TPD52: variants seen among roughly 807,000 people sequenced by gnomAD.
TPD52 encodes the protein tumor protein D52, also known as prostate and colon associated protein.
In TPD52, 17 loss-of-function variants were observed where a neutral mutation model predicts 31.3. The observed-to-expected ratio is 0.54, with a 90% CI of 0.37 to 0.82. TPD52 has a LOEUF of 0.82. Ranked by LOEUF, TPD52 falls within the 40% of genes least tolerant of loss-of-function variation. The probability of loss-of-function intolerance (pLI) is 0.00; values close to 1 mark genes in which losing one functional copy is unlikely to be tolerated. For missense variants in TPD52, 212 were observed against 240.1 expected, an observed-to-expected ratio of 0.88 and a Z score of 0.77; for synonymous variants, 83 against 89.6, an observed-to-expected ratio of 0.93 and a Z score of 0.42.
chr8:80,044,473 C>T (rs186320038), intron 5 of TPD52, among the ~76,000 whole-genome samples: 4 of 152,124 alleles, frequency 2.6e-5, no homozygotes, highest in African/African-American at 7.2e-5. Flanking sequence ...TGCTTTCACC[C>T]GGAGCTGTAA....
intron 1 of TPD52, among the ~76,000 whole-genome samples, chr8:80,137,713 C>G (rs757016049): frequency 1.3e-5 from 2 of 152,194 alleles, no homozygotes; most frequent in Non-Finnish European, 2.9e-5. Context: ...AGGACTCTTA[C>G]AGCAGTACCA....
At chr8:80,148,295 A>G (rs1016779853) in intron 1 of TPD52, among the ~76,000 whole-genome samples, 9 of 143,564 alleles carry the variant, frequency 6.3e-5, no homozygotes, top group Non-Finnish European at 1.2e-4. Context: ...TGAGATTACA[A>G]GTGCACCACC....
chr8:80,147,314 C>T (rs1810261828), intron 1 of TPD52, among the ~76,000 whole-genome samples: 2 of 152,086 alleles, frequency 1.3e-5, no homozygotes, highest in Non-Finnish European at 2.9e-5. Context: ...AGGGAGACCT[C>T]GCTGACGGGA....
intron 1 of TPD52, among the ~76,000 whole-genome samples, chr8:80,100,568 A>ATTT (rs1806656157): frequency 1.3e-5 from 2 of 152,192 alleles, no homozygotes; most frequent in Non-Finnish European, 2.9e-5. Flanking sequence ...ATTACTTACT[A>ATTT]AGTCAGCTCT....
intron 1 of TPD52, among the ~76,000 whole-genome samples, chr8:80,138,914 C>T (rs1185864859): frequency 6.6e-6 from 1 of 152,182 alleles, no homozygotes; most frequent in South Asian, 2.1e-4. Flanking sequence ...ACGAGCCAAC[C>T]AGATGACCTG....
chr8:80,114,803 T>A (rs1208977610), intron 1 of TPD52, among the ~76,000 whole-genome samples: 2 of 152,212 alleles, frequency 1.3e-5, no homozygotes, highest in Non-Finnish European at 2.9e-5. Context: ...GAGAAACTAC[T>A]CTCCAAGGTC....
At chr8:80,124,168 TTTTG>T (rs1808446137) in intron 1 of TPD52, among the ~76,000 whole-genome samples, 2 of 83,734 alleles carry the variant, frequency 2.4e-5, no homozygotes. Flanking sequence ...CTCTCTCTCT[TTTTG>T]TTTTTTTTTT....
chr8:80,085,695 G>A (rs1759761106), intron 1 of TPD52, among the ~76,000 whole-genome samples: 1 of 151,272 alleles, frequency 6.6e-6, no homozygotes. Flanking sequence ...AGAGAAGGAA[G>A]AACTACAGAA....
chr8:80,161,925 C>T (rs926738586), intron 1 of TPD52, among the ~76,000 whole-genome samples: 4 of 151,912 alleles, frequency 2.6e-5, no homozygotes, highest in Non-Finnish European at 4.4e-5. Context: ...GACAGGGTTT[C>T]GCTATGTTGG....
intron 3 of TPD52, 123 bp downstream of exon 3, chr8:80,053,159 G>C: frequency 9.2e-7 from 1 of 1,085,578 alleles, no homozygotes; most frequent in Non-Finnish European, 1.3e-6. Flanking sequence ...AAAAAAGGGT[G>C]CCGTGTCGTC....
chr8:80,043,651 G>A (rs917608505), intron 6 of TPD52, among the ~76,000 whole-genome samples: 1 of 152,200 alleles, frequency 6.6e-6, no homozygotes, highest in Non-Finnish European at 1.5e-5. Context: ...GATTTTGATG[G>A]ACACTTAAGT....
intron 1 of TPD52, among the ~76,000 whole-genome samples, chr8:80,077,890 C>T (rs1563605540): frequency 6.6e-6 from 1 of 152,178 alleles, no homozygotes; most frequent in Non-Finnish European, 1.5e-5. Context: ...TGTTTTCACA[C>T]TATGGGTTGT....
chr8:80,122,409 G>A (rs758360331), intron 1 of TPD52, among the ~76,000 whole-genome samples: 4 of 152,124 alleles, frequency 2.6e-5, no homozygotes, highest in African/African-American at 9.7e-5. Flanking sequence ...CTCAGAGATG[G>A]GCATGCGCAT....
chr8:80,115,018 A>G (rs1169121571), intron 1 of TPD52, among the ~76,000 whole-genome samples: 2 of 152,240 alleles, frequency 1.3e-5, no homozygotes, highest in Admixed American at 6.5e-5. Flanking sequence ...CACAAAGAAT[A>G]GCTGCCTATT....
intron 1 of TPD52, among the ~76,000 whole-genome samples, chr8:80,142,673 C>T (rs751720102): frequency 7.9e-5 from 12 of 152,100 alleles, no homozygotes; most frequent in Admixed American, 4.6e-4. Flanking sequence ...CTGTACTCCA[C>T]CCTGGGCAAC....
intron 7 of TPD52, among the ~76,000 whole-genome samples, chr8:80,040,299 T>C (rs1379953531): frequency 7.0e-6 from 1 of 142,968 alleles, no homozygotes; most frequent in Non-Finnish European, 1.5e-5. Flanking sequence ...GCGATCTTCC[T>C]ACCTCAGCCT....
In TPD52 at chr8:80,133,028, G is replaced by A. The variant is rs115193532; in HGVS notation, c.19+38397C>T. Among the ~76,000 whole-genome samples the A allele has an allele frequency of 7.6e-3, 1,154 of 152,268 alleles. 15 individuals are homozygous for A. Among genetic ancestry groups the A allele is most frequent in the African/African-American group, 0.026 (1,062 of 41,546 alleles). On this transcript the variant is annotated intron_variant, in intron 1 of 7. Coordinates refer to ENST00000518937, the MANE Select transcript of TPD52 (RefSeq NM_001025253.3). ...TGATGCTGATGTAAAAGGAAAATCT[G>A]TTCACTGATGAAAACTGAGTGTAGA...
At chr8:80,053,771 C>T (rs763270681) in intron 2 of TPD52, among the ~76,000 whole-genome samples, 1 of 152,272 alleles carries the variant, frequency 6.6e-6, no homozygotes, top group South Asian at 2.1e-4. Flanking sequence ...CTAACATCCA[C>T]TCTCCCGACC....
intron 1 of TPD52, among the ~76,000 whole-genome samples, chr8:80,094,913 G>A (rs1816614922): frequency 6.6e-6 from 1 of 151,792 alleles, no homozygotes; most frequent in African/African-American, 2.4e-5. Flanking sequence ...AGGAAGCCCT[G>A]GGAGAGGCAG....
Sources: allele counts gnomAD v4.1 joint callset (sites outside exome capture counted in the v4.1 genomes callset), GRCh38; gene constraint gnomAD v4.1.1; transcripts MANE v1.5; gene names NCBI Gene and HGNC (gene_info 2026-07-23, HGNC 2026-07-21).